The following POTEF variants were observed in gnomAD, a reference collection of about 807,000 sequenced individuals.
The protein encoded by POTEF is ANKRD26-like family C member 1B.
In POTEF, 20 loss-of-function variants were observed where a neutral mutation model predicts 83.2. That is an observed-to-expected ratio of 0.24 (90% CI 0.17 to 0.35). The LOEUF (loss-of-function observed/expected upper bound fraction) is 0.35. Among genes scored for constraint, POTEF ranks in the 10% least tolerant of loss-of-function variants. POTEF has a pLI of 1.00. For missense variants in POTEF, 550 were observed against 1,203.2 expected (o/e 0.46, Z 8.03); for synonymous variants, 196 against 446.4 (o/e 0.44, Z 7.07).
chr2:130,117,705 C>T (rs1684877284), intron 3 of POTEF, among the ~76,000 whole-genome samples: 4 of 151,692 alleles, frequency 2.6e-5, no homozygotes, highest in Admixed American at 2.6e-4. Context: ...ATGGGTTCTT[C>T]TAAATACACT....
At chr2:130,115,680 C>CGA (rs1558894220) in intron 3 of POTEF, among the ~76,000 whole-genome samples, 1 of 152,150 alleles carries the variant, frequency 6.6e-6, no homozygotes, top group Admixed American at 6.5e-5. Context: ...GGAAACCACT[C>CGA]TAATGCTTAA....
intron 15 of POTEF, among the ~76,000 whole-genome samples, chr2:130,085,331 A>G (rs1307767296): frequency 1.3e-5 from 2 of 148,796 alleles, no homozygotes; most frequent in African/African-American, 2.5e-5. Context: ...ATCAAATGCC[A>G]CATATTCTTA....
intron 2 of POTEF, among the ~76,000 whole-genome samples, chr2:130,126,303 C>CAAAAAAAAAAAAAAAAA (rs754556482): frequency 8.1e-6 from 1 of 122,710 alleles, no homozygotes; most frequent in Admixed American, 8.4e-5. Flanking sequence ...AACTCCATCT[C>CAAAAAAAAAAAAAAAAA]AAAAAAAAAA....
At position 130,112,087 on chromosome 2, in the gene POTEF, T is replaced by G; in HGVS notation, c.825A>C (p.Pro275=). The G allele has an allele frequency of 6.7e-7, 1 of 1,495,164 alleles. No homozygotes were observed. Among genetic ancestry groups the G allele is most frequent in the Non-Finnish European group, 8.9e-7 (1 of 1,125,446 alleles). The allele number at this position is 1,495,164 out of a possible 1,614,324, so 92.6% of individuals were successfully genotyped here. A position where few individuals can be genotyped will look rare whatever the true frequency, so the allele number is the denominator to read the frequency against. The change falls in exon 6 of 17, where the codon CCA becomes CCC. Residue 275 remains proline, a synonymous_variant. Coordinates refer to ENST00000409914, the MANE Select transcript of POTEF (RefSeq NM_001099771.2). ...TTTGCTCATGTACACCAAGTAACAG[T>G]GGTGTGAGGCCATGCTGTAAAACAA... ...IESKNKHGLT[P]LLLGVHEQKQ...
intron 2 of POTEF, among the ~76,000 whole-genome samples, 179 bp downstream of exon 2, chr2:130,127,530 G>T (rs1203104134): frequency 2.7e-5 from 4 of 150,710 alleles, no homozygotes; most frequent in Non-Finnish European, 4.4e-5. Context: ...GCACCAGCAG[G>T]TTCGTCCCCA....
rs773766282 is a variant in POTEF, at chr2:130,120,247, G to A, written c.269C>T (p.Ala90Val). The A allele has an allele frequency of 1.9e-6, 3 of 1,591,678 alleles. No individual in the cohort carries two copies. Among genetic ancestry groups the A allele is most frequent in the Non-Finnish European group, 2.6e-6 (3 of 1,173,772 alleles). The change falls in exon 3 of 17, where the codon GCT becomes GTT. Residue 90 changes from alanine (A) to valine (V), a missense_variant. Ala to Val is a moderately conservative substitution (Grantham distance 64, BLOSUM62 0). Transcript: ENST00000409914. Reference sequence around the variant, plus strand: ...CATCTTGTTCCTGAGTGTCTTCATAGCAGAGTCGTCGTGGTCTCCAGAAGC... The same window carrying A: ...CATCTTGTTCCTGAGTGTCTTCATAACAGAGTCGTCGTGGTCTCCAGAAGC... ...VGASGDHDDS[A>V]MKTLRNKMGK...
At chr2:130,116,024 G>C (rs949481407) in intron 3 of POTEF, among the ~76,000 whole-genome samples, 6 of 152,036 alleles carry the variant, frequency 3.9e-5, no homozygotes, top group Non-Finnish European at 8.8e-5. Context: ...AGTAGAATAT[G>C]TTATAACAGG....
intron 16 of POTEF, among the ~76,000 whole-genome samples, chr2:130,076,694 AT>A (rs1175015768): frequency 1.4e-5 from 2 of 147,088 alleles, no homozygotes; most frequent in African/African-American, 5.2e-5. Context: ...CCAGCTATAC[AT>A]TTCCTACTTT....
rs3990546 is a variant in POTEF at position 130,108,356 on chromosome 2, G to A, written c.1056-277C>T. ...ACATAATAGAAAGTGTCCCAACTCTGCATAAGTCCTAGCTCCATAATGAAC... is the reference window on the plus strand; with the variant it reads ...ACATAATAGAAAGTGTCCCAACTCTACATAAGTCCTAGCTCCATAATGAAC... On this transcript the variant is annotated intron_variant, in intron 7 of 16. Transcript: ENST00000409914. Among the ~76,000 whole-genome samples, 388 of 151,154 alleles carry A rather than the reference G, an allele frequency of 2.6e-3. 1 individual carries two copies. Among genetic ancestry groups the A allele is most frequent in the African/African-American group, 8.4e-3 (338 of 40,470 alleles).
chr2:130,117,613 T>C (rs1171824795), intron 3 of POTEF, among the ~76,000 whole-genome samples: 3 of 152,010 alleles, frequency 2.0e-5, no homozygotes, highest in East Asian at 1.9e-4. Flanking sequence ...TGTCGACATA[T>C]CTCTGTATCT....
At chr2:130,115,614 T>TG (rs1684827408) in intron 3 of POTEF, among the ~76,000 whole-genome samples, 1 of 152,172 alleles carries the variant, frequency 6.6e-6, no homozygotes, top group South Asian at 2.1e-4. Context: ...CTTAGCCTTT[T>TG]GGGGTCTCAG....
intron 2 of POTEF, among the ~76,000 whole-genome samples, chr2:130,126,880 A>T (rs1044859200): frequency 1.3e-5 from 2 of 152,012 alleles, no homozygotes; most frequent in African/African-American, 4.8e-5. Flanking sequence ...GCAAAAGAAA[A>T]TGAAGAGGAA....
Position 130,109,583 on chromosome 2 carries a change from T to C in POTEF, c.1055+960A>G, listed in dbSNP as rs375421972. The C allele has an allele frequency of 8.6e-5, 13 of 151,556 alleles. No homozygotes were observed. In the East Asian group the frequency reaches 2.1e-3, roughly 25 times the overall value. 9.4% of individuals were successfully genotyped at this position (151,556 alleles called of 1,614,324 possible). ...GGACTTTCTACTGCCCAAGGTTCTA[T>C]ACAGGATATAAAGGTGCCTCACAGT... On this transcript the variant is annotated intron_variant, in intron 7 of 16. Coordinates refer to ENST00000409914, the MANE Select transcript of POTEF (RefSeq NM_001099771.2).
chr2:130,074,012 G>C lies in POTEF; in HGVS notation c.*232C>G. 2.1e-6 allele frequency: 2 copies of C among 949,804 alleles called. No homozygotes were observed. Among genetic ancestry groups the C allele is most frequent in the Non-Finnish European group, 3.1e-6 (2 of 649,564 alleles). The allele number at this position is 949,804 out of a possible 1,614,324, so 58.8% of individuals were successfully genotyped here. On this transcript the variant is annotated 3_prime_UTR_variant, in exon 17 of 17. Coordinates refer to ENST00000409914, the MANE Select transcript of POTEF (RefSeq NM_001099771.2). ...TATTTGGAATGACTATTGAAAAGAA[G>C]AACAAGGTACAATCAAAGTCCTTGG...
At chr2:130,094,692 G>T (rs1573599284) in intron 11 of POTEF, among the ~76,000 whole-genome samples, 1 of 31,526 alleles carries the variant, frequency 3.2e-5, no homozygotes, top group African/African-American at 1.3e-4. Context: ...AGCTCCTTGG[G>T]AGGCTGAGGC....
chr2:130,114,446 CA>C (rs1250583885), intron 5 of POTEF, among the ~76,000 whole-genome samples: 1 of 144,912 alleles, frequency 6.9e-6, no homozygotes, highest in Non-Finnish European at 1.5e-5. Context: ...GTGAGAGGCG[CA>C]TCACCTCGTA....
chr2:130,107,954 G>A, intron 8 of POTEF, 55 bp downstream of exon 8: 3 of 1,607,836 alleles, frequency 1.9e-6, no homozygotes, highest in Non-Finnish European at 2.5e-6. Context: ...CCGGTCCCTG[G>A]TGTCAAAAAG....
chr2:130,125,868 C>G (rs1209561005), intron 2 of POTEF, among the ~76,000 whole-genome samples: 1 of 149,840 alleles, frequency 6.7e-6, no homozygotes, highest in Admixed American at 6.6e-5. Flanking sequence ...ATCGGGCCAT[C>G]GTACTACAGC....
At chr2:130,128,629 C>T (rs1316482815) in intron 1 of POTEF, among the ~76,000 whole-genome samples, 1 of 151,814 alleles carries the variant, frequency 6.6e-6, no homozygotes, top group South Asian at 2.1e-4. Context: ...TGTTGCTGCA[C>T]AAGACAATGC....
Sources: allele counts gnomAD v4.1 joint callset (sites outside exome capture counted in the v4.1 genomes callset), GRCh38; gene constraint gnomAD v4.1.1; transcripts MANE v1.5; gene names NCBI Gene and HGNC (gene_info 2026-07-23, HGNC 2026-07-21).